Variants in ANKRD55 observed in about 807,000 individuals in gnomAD.
ANKRD55 encodes the protein ankyrin repeat domain 55.
Under a neutral mutation model 60.6 loss-of-function variants are expected in ANKRD55, and 41 were observed. That is an observed-to-expected ratio of 0.68 (90% confidence interval 0.53 to 0.88). ANKRD55 has a LOEUF of 0.88. Among genes scored for constraint, ANKRD55 ranks in the 40% least tolerant of loss-of-function variants. The pLI, the probability that ANKRD55 is intolerant of heterozygous loss-of-function variation, is 0.00. For missense variants in ANKRD55, 732 were observed against 767.6 expected (o/e 0.95, Z 0.55); for synonymous variants, 264 against 290.3 (o/e 0.91, Z 0.92).
At chr5:56,221,404 A>G (rs1221807488) in intron 2 of ANKRD55, among the ~76,000 whole-genome samples, 1 of 152,200 alleles carries the variant, frequency 6.6e-6, no homozygotes, top group Non-Finnish European at 1.5e-5. Context: ...TCCAGTCTAC[A>G]GCTCCCAGCG....
intron 6 of ANKRD55, among the ~76,000 whole-genome samples, chr5:56,158,313 T>C (rs1758246724): frequency 6.6e-6 from 1 of 152,222 alleles, no homozygotes; most frequent in Non-Finnish European, 1.5e-5. Context: ...TGTATGTACA[T>C]TTTTAATGTT....
chr5:56,127,846 TC>T lies in ANKRD55; in HGVS notation c.613-741del, dbSNP rs556718480. 1.4e-3 allele frequency among the ~76,000 whole-genome samples: 208 copies of T among 152,334 alleles called. 2 individuals are homozygous for T. The highest frequency in any genetic ancestry group is 4.8e-3 in the African/African-American group (201 of 41,582). ...CTGGCTACAAACTTTTTCTTTCTCT[TC>T]CTATCATCTTCCCTTTTGCGTCTTC... is the stretch of plus-strand genomic sequence containing the variant. On this transcript the variant is annotated intron_variant, in intron 7 of 11. Transcript: ENST00000341048.
At chr5:56,115,287 G>C (rs2111687704) in intron 9 of ANKRD55, among the ~76,000 whole-genome samples, 1 of 150,914 alleles carries the variant, frequency 6.6e-6, no homozygotes, top group South Asian at 2.1e-4. Context: ...GCAACAGAGA[G>C]AATGCAAAGA....
intron 2 of ANKRD55, among the ~76,000 whole-genome samples, chr5:56,189,538 G>C (rs570121247): frequency 3.2e-4 from 49 of 152,226 alleles, no homozygotes; most frequent in African/African-American, 1.2e-3. Flanking sequence ...CTATGAATTT[G>C]ACTACTAAAG....
rs1757208602 is a variant in ANKRD55, at chr5:56,125,270, T to A, written c.797+1652A>T. Among the ~76,000 whole-genome samples, 3 of 152,150 alleles carry A rather than the reference T, an allele frequency of 2.0e-5. No homozygotes were observed. The South Asian group carries it at 6.2e-4, about 32-fold the overall frequency. The stretch of plus-strand genomic sequence containing the variant: ...CATCTGCTCTTAGGAAAACACTTAC[T>A]TTTTTCTTTTTTCTTTTTTTTTTTC... On this transcript the variant is annotated intron_variant, in intron 8 of 11. Transcript: ENST00000341048.
rs934396540 is a variant in ANKRD55 at position 56,127,695 on chromosome 5, A to G, written c.613-589T>C. Reference sequence around the variant, plus strand: ...TCTTGTATCAGACTTCGTTTACAAAAACAATTAAAAGATAAAGTGAGAATT... The same window carrying G: ...TCTTGTATCAGACTTCGTTTACAAAGACAATTAAAAGATAAAGTGAGAATT... On this transcript the variant is annotated intron_variant, in intron 7 of 11. Coordinates refer to ENST00000341048, the MANE Select transcript of ANKRD55 (RefSeq NM_024669.3). The G allele has an allele frequency of 1.4e-5, 6 of 427,852 alleles. No homozygotes were observed. The Admixed American group carries it at 3.9e-4, about 27-fold the overall frequency. The allele number at this position is 427,852 out of a possible 1,614,324, so 26.5% of individuals were successfully genotyped here.
At chr5:56,116,821 AT>A in intron 8 of ANKRD55, 39 bp from the exon 9 acceptor site, 1 of 1,522,926 alleles carries the variant, frequency 6.6e-7, no homozygotes. Flanking sequence ...GCGTCTGAGC[AT>A]GTGAATTGTT....
At chr5:56,102,372 C>G (rs896415367) in intron 11 of ANKRD55, 122 bp downstream of exon 11, 59 of 604,304 alleles carry the variant, frequency 9.8e-5, no homozygotes, top group Non-Finnish European at 1.3e-4. Flanking sequence ...GCCGGGGCGA[C>G]AGCGCAAGAC....
At chr5:56,132,099 G>C (rs1757434884) in intron 7 of ANKRD55, among the ~76,000 whole-genome samples, 1 of 151,698 alleles carries the variant, frequency 6.6e-6, no homozygotes, top group East Asian at 1.9e-4. Flanking sequence ...ACAGGTGGAA[G>C]GAATTAGAAT....
chr5:56,190,795 C>T (rs1289507365), intron 2 of ANKRD55, among the ~76,000 whole-genome samples: 1 of 152,152 alleles, frequency 6.6e-6, no homozygotes, highest in Middle Eastern at 3.2e-3. Context: ...TTCTATCAGG[C>T]ACCCATGCCA....
chr5:56,183,282 C>T (rs1040132617), intron 3 of ANKRD55, among the ~76,000 whole-genome samples: 4 of 152,166 alleles, frequency 2.6e-5, no homozygotes, highest in Non-Finnish European at 5.9e-5. Context: ...CTGCTCTTTC[C>T]GTACCTTTTC....
At chr5:56,125,684 T>C (rs530448830) in intron 8 of ANKRD55, 6 of 152,308 alleles carry the variant, frequency 3.9e-5, no homozygotes, top group Admixed American at 1.3e-4. Flanking sequence ...TTCCCTGAGT[T>C]AAAAGAATTT....
chr5:56,198,108 G>A (rs36751), intron 2 of ANKRD55, among the ~76,000 whole-genome samples: 26,006 of 151,960 alleles, frequency 0.17, 2,697 homozygotes, highest in East Asian at 0.38. Flanking sequence ...CCTTCAAAGG[G>A]TTAATTTGGC....
chr5:56,100,394 A>G, intron 11 of ANKRD55, 90 bp from the exon 12 acceptor site: 1 of 1,508,954 alleles, frequency 6.6e-7, no homozygotes. Flanking sequence ...TTAGGAGTCG[A>G]GGCATTTCTA....
chr5:56,196,799 GA>G (rs1301941227), intron 2 of ANKRD55, among the ~76,000 whole-genome samples: 2 of 152,192 alleles, frequency 1.3e-5, no homozygotes, highest in Admixed American at 1.3e-4. Context: ...CCCAGTCTCA[GA>G]AATTCTAACT....
intron 3 of ANKRD55, 103 bp from the exon 4 acceptor site, chr5:56,176,385 C>T: frequency 7.3e-7 from 1 of 1,367,010 alleles, no homozygotes; most frequent in Non-Finnish European, 1.0e-6. Flanking sequence ...GCAATACAAA[C>T]CCAGCTGTTT....
At position 56,134,379 on chromosome 5, in the gene ANKRD55, A is replaced by T. The variant is rs767210459; in HGVS notation, c.613-7273T>A. Among the ~76,000 whole-genome samples the T allele has an allele frequency of 7.9e-5, 9 of 114,048 alleles. 3 individuals carry two copies. Among genetic ancestry groups the T allele is most frequent in the Non-Finnish European group, 1.9e-4 (9 of 48,294 alleles). 74.8% of individuals were successfully genotyped at this position (114,048 alleles called of 152,430 possible). On this transcript the variant is annotated intron_variant, in intron 7 of 11. Coordinates refer to ENST00000341048, the MANE Select transcript of ANKRD55 (RefSeq NM_024669.3). ...GATCACCTGAGGTCAGGAGTTCGAG[A>T]CCAGCCTGGCCAACATGGCGAAACC...
rs764252600 is a variant in ANKRD55 at position 56,166,106 on chromosome 5, CT to C, written c.422+4587del. On this transcript the variant is annotated intron_variant, in intron 5 of 11. Transcript: ENST00000341048. ...TTTCTTTTTCTTTCTTTCTTTCTTTCTTTCTTTCTTTCTTTCTTTCTTTCTT... is the reference window on the plus strand; with the variant it reads ...TTTCTTTTTCTTTCTTTCTTTCTTTCTTCTTTCTTTCTTTCTTTCTTTCTT... Among the ~76,000 whole-genome samples, 37 of 54,474 alleles carry C rather than the reference CT, an allele frequency of 6.8e-4. 1 individual carries two copies. Among genetic ancestry groups the C allele is most frequent in the Non-Finnish European group, 8.8e-4 (23 of 26,018 alleles). The allele number at this position is 54,474 out of a possible 152,430, so 35.7% of individuals were successfully genotyped here.
At chr5:56,217,614 T>C (rs919990301) in intron 2 of ANKRD55, among the ~76,000 whole-genome samples, 2 of 152,074 alleles carry the variant, frequency 1.3e-5, no homozygotes, top group African/African-American at 4.8e-5. Context: ...CTTAAAAACA[T>C]TCATGATTCG....
Sources: gnomAD v4.1 joint callset for allele counts (sites outside exome capture counted in the v4.1 genomes callset) on GRCh38, gnomAD v4.1.1 for gene constraint, MANE v1.5 for transcripts, NCBI Gene and HGNC (gene_info 2026-07-23, HGNC 2026-07-21) for gene names.